Variants in CFI observed in about 807,000 individuals in gnomAD.
CFI encodes the protein C3B/C4B inactivator.
A neutral mutation model predicts 78.8 loss-of-function variants in CFI; 66 were observed. The observed-to-expected ratio is 0.84, with a 90% confidence interval of 0.69 to 1.03. The LOEUF is 1.03. Ranked by LOEUF, CFI falls within the 50% of genes least tolerant of loss-of-function variation. The pLI is 0.00. For missense variants in CFI, 706 were observed against 704.5 expected, an observed-to-expected ratio of 1.00 and a Z score of -0.02; for synonymous variants, 250 against 232.6, an observed-to-expected ratio of 1.07 and a Z score of -0.68.
intron 1 of CFI, among the ~76,000 whole-genome samples, chr4:109,767,291 T>C (rs1184818589): frequency 3.3e-5 from 5 of 152,202 alleles, no homozygotes; most frequent in African/African-American, 1.2e-4. Context: ...GGGATCTAAT[T>C]AAACTAAAGA....
At chr4:109,758,720 T>A (rs371716003) in intron 6 of CFI, among the ~76,000 whole-genome samples, 6 of 152,208 alleles carry the variant, frequency 3.9e-5, no homozygotes, top group Admixed American at 1.3e-4. Flanking sequence ...CAAGTAATCA[T>A]CTTAGCATCA....
chr4:109,753,456 T>TA (rs1561293496), intron 7 of CFI, among the ~76,000 whole-genome samples: 2 of 57,314 alleles, frequency 3.5e-5, no homozygotes, highest in African/African-American at 1.1e-4. Flanking sequence ...TAAATATTTA[T>TA]ATATATATTT....
intron 12 of CFI, 22 bp from the exon 13 acceptor site, chr4:109,741,132 G>GA (rs767621966): frequency 2.4e-5 from 38 of 1,613,470 alleles, no homozygotes; most frequent in Middle Eastern, 3.3e-4. Context: ...ATGTGAAAGA[G>GA]AAAATCACAC....
chr4:109,797,410 T>C (rs527341662), intron 1 of CFI, among the ~76,000 whole-genome samples: 58 of 152,282 alleles, frequency 3.8e-4, no homozygotes, highest in Admixed American at 3.1e-3. Flanking sequence ...TATTACCCCA[T>C]ACACACAAAT....
intron 1 of CFI, among the ~76,000 whole-genome samples, chr4:109,775,171 G>T (rs1200100070): frequency 3.3e-5 from 5 of 152,142 alleles, no homozygotes; most frequent in African/African-American, 1.2e-4. Flanking sequence ...TTGTCAGACA[G>T]TGGGTACAGC....
intron 1 of CFI, among the ~76,000 whole-genome samples, chr4:109,783,599 T>G (rs1325799971): frequency 6.6e-6 from 1 of 151,898 alleles, no homozygotes; most frequent in African/African-American, 2.4e-5. Flanking sequence ...GTGCAGCCAC[T>G]GTGGAAAACA....
intron 2 of CFI, 111 bp downstream of exon 2, chr4:109,766,443 A>C (rs1727758222): frequency 7.6e-7 from 1 of 1,319,022 alleles, no homozygotes; most frequent in South Asian, 1.2e-5. Flanking sequence ...CTAGAAAAAA[A>C]TTTTGAGTTG....
At chr4:109,796,708 G>A (rs779478494) in intron 1 of CFI, among the ~76,000 whole-genome samples, 1 of 152,204 alleles carries the variant, frequency 6.6e-6, no homozygotes, top group South Asian at 2.1e-4. Context: ...TGGGGTAGGA[G>A]GGTAGCTTGA....
intron 7 of CFI, among the ~76,000 whole-genome samples, chr4:109,756,950 AAAGAAAGAAAGAAAGAAAGAAAGAAAG>A (rs1726344727): frequency 6.8e-6 from 1 of 147,936 alleles, no homozygotes; most frequent in Non-Finnish European, 1.5e-5. Flanking sequence ...AGAAAGAAAG[AAAGAAAGAAAGAAAGAAAGAAAGAAAG>A]AAATTCTGAG....
At chr4:109,746,077 A>G (rs2126185875) in intron 11 of CFI, 145 bp downstream of exon 11, 1 of 992,244 alleles carries the variant, frequency 1.0e-6, no homozygotes, top group East Asian at 2.6e-5. Context: ...CTGCAAACCC[A>G]TGAAGCCAGC....
intron 1 of CFI, among the ~76,000 whole-genome samples, chr4:109,789,899 C>T (rs1731175986): frequency 6.6e-6 from 1 of 151,972 alleles, no homozygotes; most frequent in African/African-American, 2.4e-5. Flanking sequence ...TGTTAATTCT[C>T]TTTATATGTT....
intron 7 of CFI, among the ~76,000 whole-genome samples, chr4:109,756,927 A>T (rs567971971): frequency 1.3e-5 from 2 of 148,270 alleles, no homozygotes; most frequent in Non-Finnish European, 3.0e-5. Context: ...GAAAGAAAGA[A>T]AGAAAGAAAG....
intron 1 of CFI, among the ~76,000 whole-genome samples, chr4:109,800,321 GTTTTTTTTTTTT>G (rs554145445): frequency 2.1e-5 from 1 of 48,774 alleles, no homozygotes; most frequent in African/African-American, 7.8e-5. Context: ...TGGCTTCTCT[GTTTTTTTTTTTT>G]TTTTTTTTTT....
chr4:109,777,066 A>G (rs1194779718), intron 1 of CFI, among the ~76,000 whole-genome samples: 1 of 152,218 alleles, frequency 6.6e-6, no homozygotes, highest in Non-Finnish European at 1.5e-5. Context: ...TGCATCAACT[A>G]ACGAGCAAAA....
Position 109,749,521 on chromosome 4 carries a change from A to G in CFI, c.1022T>C (p.Val341Ala), listed in dbSNP as rs747842653. 5 of 1,613,448 alleles carry G rather than the reference A, an allele frequency of 3.1e-6. No homozygotes were observed. Among genetic ancestry groups the G allele is most frequent in the Admixed American group, 1.7e-5 (1 of 59,978 alleles). ...NRMHIRRKRI[V>A]GGKRAQLGDL... ...TACCAGTTGTGCTCGCTTTCCTCCC[A>G]CAATTCGTTTCCTTCGAATGTGCAT... The change falls in exon 9 of 13, where the codon GTG becomes GCG. Residue 341 changes from valine to alanine, a missense_variant. Physicochemically the swap from Val to Ala is moderately conservative, Grantham distance 64. Coordinates refer to ENST00000394634, the MANE Select transcript of CFI (RefSeq NM_000204.5).
intron 1 of CFI, among the ~76,000 whole-genome samples, chr4:109,801,585 G>A (rs1400415537): frequency 1.3e-5 from 2 of 152,172 alleles, no homozygotes; most frequent in Non-Finnish European, 2.9e-5. Flanking sequence ...CAGTCTCACT[G>A]TCTTCGTAGC....
chr4:109,786,869 T>C (rs62324934), intron 1 of CFI, among the ~76,000 whole-genome samples: 36,840 of 152,084 alleles, frequency 0.24, 5,026 homozygotes, highest in Admixed American at 0.36. Flanking sequence ...CTATAGCCCC[T>C]CCTTGTTCTA....
intron 11 of CFI, 63 bp downstream of exon 11, chr4:109,746,159 A>G: frequency 6.4e-7 from 1 of 1,564,700 alleles, no homozygotes. Context: ...TAGCTCCTAT[A>G]CATTTCTATT....
Position 109,749,228 on chromosome 4 carries a change from G to A in CFI, c.1138C>T (p.His380Tyr). 3 of 1,613,698 alleles carry A rather than the reference G, an allele frequency of 1.9e-6. No homozygotes were observed. Among genetic ancestry groups the A allele is most frequent in the East Asian group, 2.2e-5 (1 of 44,890 alleles). ...IGGCWILTAA[H>Y]CLRASKTHRY... is the part of the protein sequence containing the mutation. ...GAAGACATCTTTTACCTGAGACAAT[G>A]TGCAGCAGTCAGAATCCAACAGCCA... The change falls in exon 10 of 13, where the codon CAT (histidine) becomes TAT (tyrosine). Residue 380 changes from histidine (H) to tyrosine (Y), a missense_variant. Transcript: ENST00000394634.
Sources: gnomAD v4.1 joint callset for allele counts (sites outside exome capture counted in the v4.1 genomes callset) on GRCh38, gnomAD v4.1.1 for gene constraint, MANE v1.5 for transcripts, NCBI Gene and HGNC (gene_info 2026-07-23, HGNC 2026-07-21) for gene names.